MCC: variants seen among roughly 807,000 people sequenced by gnomAD.
The protein encoded by MCC is colorectal mutant cancer protein.
MCC carries 90 observed loss-of-function variants against 116.2 expected under a neutral mutation model. That is an observed-to-expected ratio of 0.77 (90% CI 0.65 to 0.92). MCC has a LOEUF of 0.92. MCC is among the 40% of genes least tolerant of loss of function. The pLI, the probability that MCC is intolerant of heterozygous loss-of-function variation, is 0.00. For synonymous variants in MCC, 578 were observed against 510.5 expected (o/e 1.13, Z -1.78); for missense variants, 1,516 against 1,312.2 (o/e 1.16, Z -2.40).
intron 11 of MCC, among the ~76,000 whole-genome samples, chr5:113,074,786 C>T (rs776864296): frequency 1.3e-5 from 2 of 152,270 alleles, no homozygotes; most frequent in Middle Eastern, 3.4e-3. Context: ...GAAAGCGTAT[C>T]AGGGATTGAA....
chr5:113,420,659 GTAT>G (rs1294957018), intron 1 of MCC, among the ~76,000 whole-genome samples: 1 of 152,178 alleles, frequency 6.6e-6, no homozygotes, highest in African/African-American at 2.4e-5. Context: ...ATAGGAAGAA[GTAT>G]TATTCTATTT....
chr5:113,025,423 G>C lies in MCC; in HGVS notation c.*1879C>G, dbSNP rs924139790. On this transcript the variant is annotated 3_prime_UTR_variant, in exon 19 of 19. Transcript: ENST00000408903. ...TGGGTGGATCAGTGGTCAGGAGTTCGAGACCAGCCTGGCCAACATGGTGAA... is the reference window on the plus strand; with the variant it reads ...TGGGTGGATCAGTGGTCAGGAGTTCCAGACCAGCCTGGCCAACATGGTGAA... 1 of 151,700 alleles carries C rather than the reference G, an allele frequency of 6.6e-6. No homozygotes were observed. The highest frequency in any genetic ancestry group is 1.5e-5 in the Non-Finnish European group (1 of 67,956). 9.4% of individuals were successfully genotyped at this position (151,700 alleles called of 1,614,324 possible).
chr5:113,385,342 G>T (rs1769229047), intron 1 of MCC, 130 bp from the exon 2 acceptor site: 2 of 974,554 alleles, frequency 2.1e-6, no homozygotes, highest in Non-Finnish European at 3.0e-6. Context: ...CTTTCTCATT[G>T]TTTCTAGAAA....
chr5:113,314,907 C>T (rs2150369264), intron 3 of MCC, among the ~76,000 whole-genome samples: 1 of 152,244 alleles, frequency 6.6e-6, no homozygotes, highest in Admixed American at 6.5e-5. Flanking sequence ...TCATAACCTT[C>T]ACTTTGGGAA....
chr5:113,299,479 A>C (rs1445409794), intron 3 of MCC, among the ~76,000 whole-genome samples: 2 of 152,042 alleles, frequency 1.3e-5, no homozygotes, highest in Non-Finnish European at 2.9e-5. Flanking sequence ...GATCTCTGCT[A>C]TCAAGAAAGC....
chr5:113,205,356 C>T (rs1762872326), intron 3 of MCC, among the ~76,000 whole-genome samples: 1 of 152,200 alleles, frequency 6.6e-6, no homozygotes, highest in Non-Finnish European at 1.5e-5. Context: ...GCCCTGCTTG[C>T]TTACTAAACA....
intron 3 of MCC, among the ~76,000 whole-genome samples, chr5:113,178,802 C>CCCTCCTACCAGAT (rs1761465485): frequency 6.6e-6 from 1 of 152,162 alleles, no homozygotes; most frequent in South Asian, 2.1e-4. Flanking sequence ...TCCTATCCTA[C>CCCTCCTACCAGAT]CCTCCTGCCT....
intron 6 of MCC, among the ~76,000 whole-genome samples, chr5:113,107,191 A>C (rs73237121): frequency 0.032 from 4,881 of 151,430 alleles, 141 homozygotes; most frequent in East Asian, 0.08. Context: ...AAACAGACTC[A>C]ATAGTAGCAT....
At chr5:113,046,254 A>C (rs180844342) in intron 16 of MCC, among the ~76,000 whole-genome samples, 9 of 151,822 alleles carry the variant, frequency 5.9e-5, no homozygotes. Context: ...GTGCGGCTGC[A>C]CGACCTTGGG....
chr5:113,318,881 T>C (rs1366871749), intron 3 of MCC, among the ~76,000 whole-genome samples: 1 of 152,182 alleles, frequency 6.6e-6, no homozygotes, highest in Non-Finnish European at 1.5e-5. Flanking sequence ...TTAATTATTT[T>C]TTTGAAACAG....
intron 6 of MCC, among the ~76,000 whole-genome samples, chr5:113,114,323 C>A (rs577193629): frequency 6.6e-6 from 1 of 152,148 alleles, no homozygotes; most frequent in Non-Finnish European, 1.5e-5. Flanking sequence ...ACACGGAGAG[C>A]GCAAGATGAC....
chr5:113,408,151 T>A (rs944083400), intron 1 of MCC, among the ~76,000 whole-genome samples: 1 of 152,172 alleles, frequency 6.6e-6, no homozygotes, highest in Non-Finnish European at 1.5e-5. Flanking sequence ...AGGTTCCTCA[T>A]CTCACTTCAA....
intron 1 of MCC, among the ~76,000 whole-genome samples, chr5:113,442,062 C>T (rs1030083878): frequency 2.0e-5 from 3 of 152,040 alleles, no homozygotes; most frequent in African/African-American, 7.2e-5. Context: ...TTGAGGAATC[C>T]AGAACTAGAA....
intron 1 of MCC, among the ~76,000 whole-genome samples, chr5:113,483,155 G>T (rs1402433442): frequency 6.6e-6 from 1 of 152,130 alleles, no homozygotes; most frequent in African/African-American, 2.4e-5. Flanking sequence ...TAGTACCATA[G>T]TGTCTTAATT....
At chr5:113,190,840 G>C (rs1446373320) in intron 3 of MCC, among the ~76,000 whole-genome samples, 1 of 152,178 alleles carries the variant, frequency 6.6e-6, no homozygotes, top group African/African-American at 2.4e-5. Flanking sequence ...AAGAGGCAGA[G>C]AAAAATAAAT....
At chr5:113,301,237 G>A (rs1388699839) in intron 3 of MCC, among the ~76,000 whole-genome samples, 3 of 152,138 alleles carry the variant, frequency 2.0e-5, no homozygotes, top group African/African-American at 7.2e-5. Context: ...AGGCCAAGGC[G>A]GGTGGGTCAC....
At chr5:113,214,922 CTTACTGGAAAACCTGCAGTGAGGCT>C (rs1561462595) in intron 3 of MCC, among the ~76,000 whole-genome samples, 3 of 152,194 alleles carry the variant, frequency 2.0e-5, no homozygotes, top group Non-Finnish European at 2.9e-5. Flanking sequence ...CTGGTTCAGC[CTTACTGGAAAACCTGCAGTGAGGCT>C]GAACCTCCAA....
At chr5:113,341,171 C>T (rs1056494205) in intron 2 of MCC, among the ~76,000 whole-genome samples, 5 of 151,956 alleles carry the variant, frequency 3.3e-5, no homozygotes, top group African/African-American at 1.2e-4. Context: ...TTTCTCCTTC[C>T]TTCCTTCCTT....
rs1221839265 is a variant in MCC, at chr5:113,291,601, G to C, written c.627+48918C>G. ...ACATCAGGCTGAAACTGACCCCACA[G>C]TGACCTCTAGACAGCATTGAGGCTC... On this transcript the variant is annotated intron_variant, in intron 3 of 18. Transcript: ENST00000408903. Among the ~76,000 whole-genome samples the C allele has an allele frequency of 3.9e-5, 6 of 152,242 alleles. No individual in the cohort carries two copies. In the East Asian group the frequency reaches 1.2e-3, roughly 29 times the overall value.
Sources: allele counts gnomAD v4.1 joint callset (sites outside exome capture counted in the v4.1 genomes callset), GRCh38; gene constraint gnomAD v4.1.1; transcripts MANE v1.5; gene names NCBI Gene and HGNC (gene_info 2026-07-23, HGNC 2026-07-21).